The following NAALADL2 variants were observed in gnomAD, a reference collection of about 807,000 sequenced individuals.
NAALADL2 encodes N-acetylated alpha-linked acidic dipeptidase like 2, also known as inactive N-acetylated-alpha-linked acidic dipeptidase-like protein 2.
NAALADL2 carries 76 observed loss-of-function variants against 87.2 expected under a neutral mutation model. The observed-to-expected ratio is 0.87, with a 90% CI of 0.72 to 1.05. The LOEUF (loss-of-function observed/expected upper bound fraction) is 1.05. NAALADL2 is among the 50% of genes least tolerant of loss of function. The pLI, the probability that NAALADL2 is intolerant of heterozygous loss-of-function variation, is 0.00. For synonymous variants in NAALADL2, 354 were observed against 331.0 expected, an observed-to-expected ratio of 1.07 and a Z score of -0.75; for missense variants, 1,089 against 945.8, an observed-to-expected ratio of 1.15 and a Z score of -1.99.
chr3:174,688,532 A>G (rs1000983319), intron 2 of NAALADL2, among the ~76,000 whole-genome samples: 3 of 152,234 alleles, frequency 2.0e-5, no homozygotes, highest in Admixed American at 6.5e-5. Context: ...TTATAACAGT[A>G]TCTGGCATAT....
chr3:174,480,267 T>A (rs1224326886), intron 1 of NAALADL2, among the ~76,000 whole-genome samples: 1 of 152,136 alleles, frequency 6.6e-6, no homozygotes, highest in African/African-American at 2.4e-5. Context: ...AGAAGACTCC[T>A]CATGGGAGTT....
In NAALADL2 at chr3:174,802,550, G is replaced by A. The variant is rs147083473; in HGVS notation, c.-9+64804G>A. 3.4e-3 allele frequency among the ~76,000 whole-genome samples: 512 copies of A among 152,162 alleles called. 1 individual carries two copies. The highest frequency in any genetic ancestry group is 0.01 in the East Asian group (52 of 5,166). On this transcript the variant is annotated intron_variant, in intron 3 of 3. Transcript: ENST00000434257. ...CACAATGTGCAAGTTTGTTACATAG[G>A]TATACATGTGCCATGTTGGTTTGCT...
intron 4 of NAALADL2, among the ~76,000 whole-genome samples, chr3:175,275,844 A>G (rs868702416): frequency 1.4e-4 from 21 of 150,604 alleles, no homozygotes; most frequent in African/African-American, 4.1e-4. Flanking sequence ...TATTAATATA[A>G]TAATTATAAT....
intron 3 of NAALADL2, among the ~76,000 whole-genome samples, chr3:174,827,500 G>A (rs999510488): frequency 5.9e-5 from 9 of 152,122 alleles, no homozygotes; most frequent in East Asian, 1.9e-4. Flanking sequence ...CTCTCTGACC[G>A]TTTTTGGTGT....
At position 174,625,864 on chromosome 3, in the gene NAALADL2, A is replaced by G. The variant is rs1578357576; in HGVS notation, c.-115+75227A>G. 3.3e-5 allele frequency among the ~76,000 whole-genome samples: 5 copies of G among 152,182 alleles called. No homozygotes were observed. In the South Asian group the frequency reaches 8.3e-4, roughly 25 times the overall value. On this transcript the variant is annotated intron_variant, in intron 2 of 3. Coordinates refer to the NAALADL2 transcript ENST00000434257. ...AATATTCACACCTGTGCGCATATAC[A>G]TACTTCATTTGAAAAATACTGGAGG...
At chr3:174,640,515 AGGATG>A (rs1723067372) in intron 2 of NAALADL2, among the ~76,000 whole-genome samples, 1 of 152,164 alleles carries the variant, frequency 6.6e-6, no homozygotes, top group African/African-American at 2.4e-5. Context: ...GGAGCCTTAT[AGGATG>A]GACTTCTGCC....
At chr3:175,199,653 G>T (rs1178927419) in intron 2 of NAALADL2, among the ~76,000 whole-genome samples, 1 of 150,318 alleles carries the variant, frequency 6.7e-6, no homozygotes, top group African/African-American at 2.4e-5. Flanking sequence ...GTGGAGGGAG[G>T]GATAAGAATT....
At chr3:175,406,918 C>T (rs1261419776) in intron 5 of NAALADL2, among the ~76,000 whole-genome samples, 3 of 152,092 alleles carry the variant, frequency 2.0e-5, no homozygotes, top group South Asian at 4.1e-4. Flanking sequence ...CTGTGGCTCA[C>T]GCCTGTAATC....
intron 5 of NAALADL2, among the ~76,000 whole-genome samples, chr3:175,400,697 A>C (rs956840396): frequency 6.6e-6 from 1 of 152,152 alleles, no homozygotes; most frequent in Non-Finnish European, 1.5e-5. Flanking sequence ...AAAGGGTTGC[A>C]GAGTATATAT....
intron 10 of NAALADL2, among the ~76,000 whole-genome samples, chr3:175,588,222 G>T (rs905463953): frequency 1.3e-5 from 2 of 151,996 alleles, no homozygotes; most frequent in Non-Finnish European, 2.9e-5. Flanking sequence ...CCTAAGATTG[G>T]TCCCTAAGAA....
chr3:174,934,367 C>G (rs1470625557), intron 1 of NAALADL2, among the ~76,000 whole-genome samples: 1 of 152,172 alleles, frequency 6.6e-6, no homozygotes, highest in African/African-American at 2.4e-5. Context: ...TGACAACCCT[C>G]AGATCTCACT....
intron 1 of NAALADL2, among the ~76,000 whole-genome samples, chr3:174,512,263 T>G (rs1460543004): frequency 1.3e-5 from 2 of 152,208 alleles, no homozygotes; most frequent in African/African-American, 2.4e-5. Flanking sequence ...CTTTTAGTGC[T>G]TTAAAGTATG....
chr3:175,495,841 A>AT (rs200332780), intron 9 of NAALADL2, among the ~76,000 whole-genome samples: 1,684 of 151,050 alleles, frequency 0.011, 10 homozygotes, highest in East Asian at 0.03. Context: ...TTAACCTGCC[A>AT]TTTTTTTTTA....
intron 1 of NAALADL2, among the ~76,000 whole-genome samples, chr3:174,886,690 A>G (rs1395880112): frequency 2.0e-5 from 3 of 152,150 alleles, no homozygotes; most frequent in African/African-American, 7.2e-5. Flanking sequence ...AGCGATATTC[A>G]TTTTTCTCCC....
At chr3:175,268,213 A>C (rs1414882528) in intron 4 of NAALADL2, among the ~76,000 whole-genome samples, 1 of 152,174 alleles carries the variant, frequency 6.6e-6, no homozygotes, top group Non-Finnish European at 1.5e-5. Flanking sequence ...GGTATAGCCT[A>C]TTGCTCCCAG....
Position 175,806,148 on chromosome 3 carries a change from G to A in NAALADL2, c.*2945G>A, listed in dbSNP as rs1754683782. On this transcript the variant is annotated 3_prime_UTR_variant, in exon 14 of 14. Coordinates refer to ENST00000454872, the MANE Select transcript of NAALADL2 (RefSeq NM_207015.3). ...CATTCTGTCAGATGTTGCATGGGCT[G>A]GAAACACTGCTTTTAATTCAAGGCT... 2 of 151,868 alleles carry A rather than the reference G, an allele frequency of 1.3e-5. No individual in the cohort carries two copies. The highest frequency in any genetic ancestry group is 4.8e-5 in the African/African-American group (2 of 41,378). 9.4% of individuals were successfully genotyped at this position (151,868 alleles called of 1,614,324 possible).
chr3:174,982,887 T>C (rs1222455284), intron 1 of NAALADL2, among the ~76,000 whole-genome samples: 1 of 152,086 alleles, frequency 6.6e-6, no homozygotes, highest in Non-Finnish European at 1.5e-5. Context: ...AAGCTCCGCC[T>C]CCTGGGTTCA....
Position 174,812,426 on chromosome 3 carries a change from T to C in NAALADL2, c.-9+74680T>C, listed in dbSNP as rs560603605. ...TACTGCATTGTTAGTCATACCAAAG[T>C]ATATTACATACAATTATTTATAGTA... On this transcript the variant is annotated intron_variant, in intron 3 of 3. Transcript: ENST00000434257. Among the ~76,000 whole-genome samples, 3 of 152,306 alleles carry C rather than the reference T, an allele frequency of 2.0e-5. No homozygotes were observed. In the South Asian group the frequency reaches 6.2e-4, roughly 32 times the overall value.
chr3:175,047,311 G>A (rs115525479), intron 1 of NAALADL2, among the ~76,000 whole-genome samples: 1,851 of 152,178 alleles, frequency 0.012, 37 homozygotes, highest in African/African-American at 0.043. Flanking sequence ...TGAACTTTGC[G>A]AAAATGACAA....
Sources: allele counts gnomAD v4.1 joint callset (sites outside exome capture counted in the v4.1 genomes callset), GRCh38; gene constraint gnomAD v4.1.1; transcripts MANE v1.5; gene names NCBI Gene and HGNC (gene_info 2026-07-23, HGNC 2026-07-21).